The following RIMS2 variants were observed in gnomAD, a reference collection of about 807,000 sequenced individuals.
The protein encoded by RIMS2 is regulating synaptic membrane exocytosis 2, also known as regulating synaptic membrane exocytosis protein 2.
A neutral mutation model predicts 174.4 loss-of-function variants in RIMS2; 59 were observed. That is an observed-to-expected ratio of 0.34 (90% CI 0.27 to 0.42). The LOEUF (loss-of-function observed/expected upper bound fraction) is 0.42, where lower values mean the gene tolerates loss of function less well. RIMS2 is among the 10% of genes least tolerant of loss of function. The pLI is 1.00. For missense variants in RIMS2, 1,620 were observed against 1,666.3 expected (o/e 0.97, Z 0.48); for synonymous variants, 606 against 572.5 (o/e 1.06, Z -0.84).
At chr8:103,790,358 T>G (rs957291460) in intron 3 of RIMS2, among the ~76,000 whole-genome samples, 2 of 152,234 alleles carry the variant, frequency 1.3e-5, no homozygotes, top group African/African-American at 4.8e-5. Context: ...CATGCAATTA[T>G]GTAGCCTTTT....
intron 1 of RIMS2, among the ~76,000 whole-genome samples, chr8:103,598,405 G>A (rs1942174527): frequency 6.6e-6 from 1 of 152,118 alleles, no homozygotes; most frequent in Non-Finnish European, 1.5e-5. Context: ...ATTGAAAGAT[G>A]TCAAGATACT....
intron 1 of RIMS2, among the ~76,000 whole-genome samples, chr8:103,628,205 C>T (rs2095831964): frequency 1.3e-5 from 2 of 152,112 alleles, no homozygotes; most frequent in African/African-American, 2.4e-5. Flanking sequence ...GCACACTCCA[C>T]TTTATTTTCT....
intron 19 of RIMS2, among the ~76,000 whole-genome samples, chr8:104,102,005 C>G (rs2097912725): frequency 1.3e-5 from 2 of 152,092 alleles, no homozygotes; most frequent in South Asian, 4.1e-4. Context: ...ATCCTGGGCC[C>G]TCTTTTCTTC....
chr8:104,035,562 T>G (rs1225182098), intron 19 of RIMS2, among the ~76,000 whole-genome samples: 1 of 151,954 alleles, frequency 6.6e-6, no homozygotes, highest in African/African-American at 2.4e-5. Flanking sequence ...AATGTATCTT[T>G]AGGAAAAGTA....
intron 15 of RIMS2, among the ~76,000 whole-genome samples, chr8:103,969,578 A>C (rs1361586703): frequency 6.6e-6 from 1 of 152,104 alleles, no homozygotes; most frequent in Non-Finnish European, 1.5e-5. Flanking sequence ...TTCTGCTTAC[A>C]TTGCTCATCT....
At chr8:103,976,914 G>C (rs2093495290) in intron 16 of RIMS2, 1 of 152,156 alleles carries the variant, frequency 6.6e-6, no homozygotes, top group Admixed American at 6.5e-5. Context: ...GGAAATCTCT[G>C]ATCAACCTGG....
chr8:104,218,694 C>A (rs549201609), intron 19 of RIMS2, among the ~76,000 whole-genome samples: 56 of 152,210 alleles, frequency 3.7e-4, no homozygotes, highest in African/African-American at 1.3e-3. Context: ...CAACCTAGAT[C>A]CCTCACGTGT....
intron 2 of RIMS2, among the ~76,000 whole-genome samples, chr8:103,730,486 A>G (rs1384414098): frequency 6.6e-6 from 1 of 151,982 alleles, no homozygotes; most frequent in African/African-American, 2.4e-5. Context: ...CTTTAACCTA[A>G]TTTCCCCACT....
chr8:104,251,239 C>T, intron 23 of RIMS2, 76 bp downstream of exon 29: 1 of 1,229,628 alleles, frequency 8.1e-7, no homozygotes. Flanking sequence ...CAAATCTTTT[C>T]TGTTGTATTC....
At position 104,166,015 on chromosome 8, in the gene RIMS2, G is replaced by A. The variant is rs144897548; in HGVS notation, c.3335-78901G>A. Among the ~76,000 whole-genome samples the A allele has an allele frequency of 1.9e-3, 288 of 148,812 alleles. 4 individuals are homozygous for A. The highest frequency in any genetic ancestry group is 0.011 in the Middle Eastern group (3 of 284). ...CCTATCAGTGCACAAAATGCTATAAGATTTCAGAAAGATCACTTCTCACTG... is the reference window on the plus strand; with the variant it reads ...CCTATCAGTGCACAAAATGCTATAAAATTTCAGAAAGATCACTTCTCACTG... On this transcript the variant is annotated intron_variant, in intron 19 of 23. Coordinates refer to ENST00000504942, the Ensembl canonical transcript of RIMS2.
intron 3 of RIMS2, among the ~76,000 whole-genome samples, chr8:103,777,665 T>G (rs996876110): frequency 6.6e-6 from 1 of 152,006 alleles, no homozygotes; most frequent in Non-Finnish European, 1.5e-5. Context: ...AGGGTTGATA[T>G]AGACAGAAAA....
chr8:103,661,596 C>CG (rs1327665387), intron 1 of RIMS2, among the ~76,000 whole-genome samples: 2 of 152,062 alleles, frequency 1.3e-5, no homozygotes, highest in South Asian at 2.1e-4. Context: ...TTCTGCCTCC[C>CG]GGGTTCAATC....
At chr8:103,911,512 A>C (rs1206139101) in intron 5 of RIMS2, among the ~76,000 whole-genome samples, 4 of 152,146 alleles carry the variant, frequency 2.6e-5, no homozygotes, top group African/African-American at 4.8e-5. Context: ...GCTTGTGTAC[A>C]CTTTATTATT....
At chr8:103,514,822 C>T (rs1352845273) in intron 1 of RIMS2, among the ~76,000 whole-genome samples, 1 of 151,690 alleles carries the variant, frequency 6.6e-6, no homozygotes, top group Admixed American at 6.6e-5. Context: ...TGCTTGAACC[C>T]GGGAGGTGGA....
At chr8:103,989,200 C>T in intron 16 of RIMS2, 105 bp from the exon 19 acceptor site, 11 of 696,230 alleles carry the variant, frequency 1.6e-5, no homozygotes, top group Non-Finnish European at 2.5e-5. Context: ...ATTTGGACTT[C>T]ACCATATAGT....
intron 2 of RIMS2, among the ~76,000 whole-genome samples, chr8:103,731,511 T>C (rs2138908613): frequency 6.6e-6 from 1 of 152,332 alleles, no homozygotes; most frequent in South Asian, 2.1e-4. Flanking sequence ...GGAAGTTCTT[T>C]GTTATTATCC....
At chr8:104,172,770 G>T (rs1305402647) in intron 19 of RIMS2, among the ~76,000 whole-genome samples, 1 of 152,174 alleles carries the variant, frequency 6.6e-6, no homozygotes, top group African/African-American at 2.4e-5. Flanking sequence ...TGTAGAAGAG[G>T]ATATGACTAA....
At chr8:103,538,310 A>G (rs1840797266) in intron 1 of RIMS2, among the ~76,000 whole-genome samples, 1 of 151,916 alleles carries the variant, frequency 6.6e-6, no homozygotes, top group Non-Finnish European at 1.5e-5. Flanking sequence ...ATTTCCTTAT[A>G]TTCACCTTTT....
At chr8:103,873,340 T>G (rs1478999286) in intron 3 of RIMS2, among the ~76,000 whole-genome samples, 3 of 152,136 alleles carry the variant, frequency 2.0e-5, no homozygotes, top group Non-Finnish European at 2.9e-5. Flanking sequence ...TAAAATAGTC[T>G]CAGACCAATG....
Sources: gnomAD v4.1 joint callset for allele counts (sites outside exome capture counted in the v4.1 genomes callset) on GRCh38, gnomAD v4.1.1 for gene constraint, MANE v1.5 for transcripts, NCBI Gene and HGNC (gene_info 2026-07-23, HGNC 2026-07-21) for gene names.